The following CTNNA2 variants were observed in gnomAD, a reference collection of about 807,000 sequenced individuals.
CTNNA2 encodes catenin alpha 2, also known as catenin alpha-2.
Under a neutral mutation model 101.0 loss-of-function variants are expected in CTNNA2, and 42 were observed. The ratio of observed to expected loss-of-function variants is 0.42; its 90% CI spans 0.32 to 0.54. The LOEUF is 0.54. Ranked by LOEUF, CTNNA2 falls within the 20% of genes least tolerant of loss-of-function variation. CTNNA2 has a pLI of 0.14. For missense variants in CTNNA2, 871 were observed against 1,223.1 expected, an observed-to-expected ratio of 0.71 and a Z score of 4.29; for synonymous variants, 450 against 456.4, an observed-to-expected ratio of 0.99 and a Z score of 0.18.
At chr2:80,244,147 T>C (rs1671150177) in intron 7 of CTNNA2, among the ~76,000 whole-genome samples, 1 of 152,238 alleles carries the variant, frequency 6.6e-6, no homozygotes, top group Non-Finnish European at 1.5e-5. Context: ...TTTTGCAGTA[T>C]AGTGTTTGTC....
intron 3 of CTNNA2, among the ~76,000 whole-genome samples, chr2:79,830,188 GTATT>G (rs34163647): frequency 0.34 from 51,240 of 151,686 alleles, 9,072 homozygotes; most frequent in South Asian, 0.42. Context: ...GGGAGATAGA[GTATT>G]TATTCAGTTT....
At chr2:79,191,578 C>T (rs1673870896) in intron 1 of CTNNA2, among the ~76,000 whole-genome samples, 1 of 152,144 alleles carries the variant, frequency 6.6e-6, no homozygotes, top group African/African-American at 2.4e-5. Flanking sequence ...GTCAACTTAT[C>T]ACAAAATCTA....
intron 4 of CTNNA2, among the ~76,000 whole-genome samples, chr2:79,440,366 C>G (rs1047901068): frequency 6.6e-6 from 1 of 152,038 alleles, no homozygotes; most frequent in Non-Finnish European, 1.5e-5. Flanking sequence ...GGAACCAATG[C>G]GCTGGAGGGT....
rs543786939 is a variant in CTNNA2, at chr2:80,564,154, G to A, written c.1741+8261G>A. ...AAGATAAGAATCTTTTAAGTTATGT[G>A]CAATAAATTTTTAGCAAGCACTTTA... On this transcript the variant is annotated intron_variant, in intron 12 of 18. Transcript: ENST00000402739. Among the ~76,000 whole-genome samples the A allele has an allele frequency of 2.0e-5, 3 of 152,030 alleles. No individual in the cohort carries two copies. The South Asian group carries it at 6.2e-4, about 32-fold the overall frequency.
At chr2:79,434,389 ATTGGAAT>A (rs1002101118) in intron 4 of CTNNA2, among the ~76,000 whole-genome samples, 2 of 152,194 alleles carry the variant, frequency 1.3e-5, no homozygotes, top group African/African-American at 2.4e-5. Context: ...TAGACAGAAA[ATTGGAAT>A]TTGGAACTTG....
At chr2:80,054,178 G>C (rs1219961702) in intron 7 of CTNNA2, among the ~76,000 whole-genome samples, 1 of 152,194 alleles carries the variant, frequency 6.6e-6, no homozygotes, top group African/African-American at 2.4e-5. Context: ...CTGAGGGCCC[G>C]ACCTTGCTGG....
At chr2:80,316,776 A>T (rs187890899) in intron 7 of CTNNA2, among the ~76,000 whole-genome samples, 1 of 152,350 alleles carries the variant, frequency 6.6e-6, no homozygotes, top group Non-Finnish European at 1.5e-5. Context: ...TTAGCCAGCC[A>T]ATCAATAGTT....
At chr2:79,404,707 G>T (rs1383552977) in intron 4 of CTNNA2, among the ~76,000 whole-genome samples, 1 of 152,044 alleles carries the variant, frequency 6.6e-6, no homozygotes, top group African/African-American at 2.4e-5. Flanking sequence ...ACTCTGGGAA[G>T]ATTTAATCTA....
intron 6 of CTNNA2, among the ~76,000 whole-genome samples, chr2:79,885,798 C>T (rs1683814617): frequency 6.6e-6 from 1 of 152,142 alleles, no homozygotes; most frequent in East Asian, 1.9e-4. Flanking sequence ...AAGTGATTCC[C>T]ACTGAATGGC....
At chr2:79,289,061 C>G (rs1573037604) in intron 2 of CTNNA2, among the ~76,000 whole-genome samples, 1 of 152,068 alleles carries the variant, frequency 6.6e-6, no homozygotes, top group East Asian at 1.9e-4. Flanking sequence ...GGTATGTGAA[C>G]CAAATCACAT....
At chr2:79,313,409 A>G (rs1676427620) in intron 3 of CTNNA2, among the ~76,000 whole-genome samples, 1 of 152,202 alleles carries the variant, frequency 6.6e-6, no homozygotes, top group Admixed American at 6.5e-5. Flanking sequence ...GAACTATGCT[A>G]TGTAGTTTGC....
chr2:79,260,781 G>A lies in CTNNA2; in HGVS notation c.-405-51928G>A, dbSNP rs148188289. On this transcript the variant is annotated intron_variant, in intron 2 of 21. Coordinates refer to the CTNNA2 transcript ENST00000466387. ...AAATTGACCCTAAGCCCAATCACAG[G>A]CTGACCTCCAATTCTGAGTCCCACC... Among the ~76,000 whole-genome samples, 49 of 152,166 alleles carry A rather than the reference G, an allele frequency of 3.2e-4. 1 individual carries two copies. Among genetic ancestry groups the A allele is most frequent in the Admixed American group, 2.2e-3 (34 of 15,284 alleles).
chr2:79,855,314 C>T (rs548440808), intron 3 of CTNNA2, among the ~76,000 whole-genome samples: 2 of 152,196 alleles, frequency 1.3e-5, no homozygotes, highest in Middle Eastern at 6.8e-3. Context: ...TTGATTAGCT[C>T]CACCTAAGAT....
rs1691370710 is a variant in CTNNA2, at chr2:79,982,259, C to CGTATA, written c.1056+72462_1056+72463insGTATA. Among the ~76,000 whole-genome samples the CGTATA allele has an allele frequency of 1.4e-4, 12 of 87,794 alleles. 1 individual carries two copies. The highest frequency in any genetic ancestry group is 5.7e-4 in the African/African-American group (12 of 21,094). 57.6% of individuals were successfully genotyped at this position (87,794 alleles called of 152,430 possible). ...ATATATATGTATGTATATGTACACA[C>CGTATA]ACACATAACATATATATAATATATA... On this transcript the variant is annotated intron_variant, in intron 7 of 18. Transcript: ENST00000402739.
At chr2:79,259,824 C>G (rs1358631711) in intron 2 of CTNNA2, among the ~76,000 whole-genome samples, 2 of 152,172 alleles carry the variant, frequency 1.3e-5, no homozygotes, top group East Asian at 3.9e-4. Flanking sequence ...TGGGAACAGA[C>G]TTGGCACACT....
intron 7 of CTNNA2, among the ~76,000 whole-genome samples, chr2:80,254,326 A>G (rs1308824677): frequency 6.6e-6 from 1 of 152,172 alleles, no homozygotes; most frequent in Non-Finnish European, 1.5e-5. Flanking sequence ...ATTCTCAGAA[A>G]AAGCTTGCTG....
At chr2:79,659,634 A>G (rs985426796) in intron 2 of CTNNA2, among the ~76,000 whole-genome samples, 1 of 152,130 alleles carries the variant, frequency 6.6e-6, no homozygotes, top group African/African-American at 2.4e-5. Context: ...TTTTCATACT[A>G]GGTTCCATTT....
chr2:80,557,272 G>T (rs1693128466), intron 12 of CTNNA2, among the ~76,000 whole-genome samples: 1 of 152,148 alleles, frequency 6.6e-6, no homozygotes, highest in Non-Finnish European at 1.5e-5. Flanking sequence ...ACATAAGCTT[G>T]CCCTTTGCAT....
chr2:80,313,053 A>G (rs1326115644), intron 7 of CTNNA2, among the ~76,000 whole-genome samples: 2 of 152,230 alleles, frequency 1.3e-5, no homozygotes, highest in East Asian at 3.9e-4. Flanking sequence ...AAAAACCTCT[A>G]TATTACATTG....
Sources: gnomAD v4.1 joint callset for allele counts (sites outside exome capture counted in the v4.1 genomes callset) on GRCh38, gnomAD v4.1.1 for gene constraint, MANE v1.5 for transcripts, NCBI Gene and HGNC (gene_info 2026-07-23, HGNC 2026-07-21) for gene names.